The following ADGRF1 variants were observed in gnomAD, a reference collection of about 807,000 sequenced individuals.
ADGRF1 encodes the protein adhesion G protein-coupled receptor F1, also known as G protein-coupled receptor 110.
Under a neutral mutation model 87.2 loss-of-function variants are expected in ADGRF1, and 85 were observed. That is an observed-to-expected ratio of 0.97 (90% confidence interval 0.82 to 1.17). The LOEUF (loss-of-function observed/expected upper bound fraction) is 1.17, where lower values mean the gene tolerates loss of function less well. Ranked by LOEUF, ADGRF1 falls within the 50% of genes most tolerant of loss-of-function variation. The probability of loss-of-function intolerance (pLI) is 0.00; values close to 1 mark genes in which losing one functional copy is unlikely to be tolerated. For synonymous variants in ADGRF1, 430 were observed against 408.8 expected (o/e 1.05, Z -0.63); for missense variants, 1,169 against 1,077.2 (o/e 1.09, Z -1.19).
intron 3 of ADGRF1, among the ~76,000 whole-genome samples, chr6:47,027,143 T>C (rs1050510081): frequency 1.3e-5 from 2 of 152,242 alleles, no homozygotes; most frequent in African/African-American, 2.4e-5. Flanking sequence ...ATTTTTATTG[T>C]TATTTTTACT....
At position 47,009,496 on chromosome 6, in the gene ADGRF1, C is replaced by T. The variant is rs544506995; in HGVS notation, c.1939G>A (p.Val647Met). 4.2e-5 allele frequency: 68 copies of T among 1,614,004 alleles called. No homozygotes were observed. The highest frequency in any genetic ancestry group is 1.6e-4 in the Middle Eastern group (1 of 6,062). ...ADVWFIVGAT[V>M]DTTVNPSGVC... ...CCAGAAGGGTTCACCGTGGTGTCCA[C>T]TGTGGCACCAACAATAAACCAGACA... The change falls in exon 11 of 15, where the codon GTG becomes ATG. Residue 647 changes from valine to methionine, a missense_variant. Transcript: ENST00000371253.
intron 1 of ADGRF1, among the ~76,000 whole-genome samples, chr6:47,038,390 A>G (rs1028916018): frequency 6.6e-6 from 1 of 152,166 alleles, no homozygotes; most frequent in Non-Finnish European, 1.5e-5. Context: ...TATTTTTCCC[A>G]ATGAAACAGT....
At chr6:47,020,815 T>C in intron 6 of ADGRF1, 26 bp from the exon 7 acceptor site, 1 of 1,572,576 alleles carries the variant, frequency 6.4e-7, no homozygotes, top group Non-Finnish European at 8.8e-7. Flanking sequence ...AAGAACAATG[T>C]GTTAATTGTT....
rs1035752276 is a variant in ADGRF1, at chr6:47,029,116, G to C, written c.-43-12C>G. On this transcript the variant is annotated splice_polypyrimidine_tract_variant and intron_variant, in intron 1 of 14. Transcript: ENST00000371253. ...TGCATAGTCTGTGACTAAACAAGCAGGGTACCAGGTAAGGTAGAGGCACAA... is the reference window on the plus strand; with the variant it reads ...TGCATAGTCTGTGACTAAACAAGCACGGTACCAGGTAAGGTAGAGGCACAA... 2.6e-5 allele frequency: 37 copies of C among 1,431,370 alleles called. No homozygotes were observed. In the Middle Eastern group the frequency reaches 6.9e-4, roughly 27 times the overall value. 88.7% of individuals were successfully genotyped at this position (1,431,370 alleles called of 1,614,324 possible).
chr6:47,032,114 G>A (rs1561881530), intron 1 of ADGRF1, among the ~76,000 whole-genome samples: 1 of 152,108 alleles, frequency 6.6e-6, no homozygotes, highest in South Asian at 2.1e-4. Context: ...TTCTCCAGGG[G>A]AAAGCGGCTG....
Position 47,016,765 on chromosome 6 carries a change from A to T in ADGRF1, c.615T>A (p.Asn205Lys), listed in dbSNP as rs757681825. The change falls in exon 8 of 15, where the codon AAT (asparagine) becomes AAA (lysine). Residue 205 changes from asparagine (N) to lysine (K), a missense_variant. Coordinates refer to ENST00000371253, the MANE Select transcript of ADGRF1 (RefSeq NM_153840.4). ...FESVQVTQFR[N>K]GSIVAGYEVV... is the part of the protein sequence containing the mutation. ...CTTCATACCCAGCAACGATGCTTCC[A>T]TTTCTGCAGTGATTATGGGGAAAGA... The T allele has an allele frequency of 6.3e-6, 10 of 1,580,978 alleles. No individual in the cohort carries two copies. The African/African-American group carries it at 1.2e-4, about 19-fold the overall frequency.
At position 46,999,573 on chromosome 6, in the gene ADGRF1, G is replaced by T. The variant is rs953755992; in HGVS notation, c.*649C>A. On this transcript the variant is annotated 3_prime_UTR_variant, in exon 15 of 15. Coordinates refer to ENST00000371253, the MANE Select transcript of ADGRF1 (RefSeq NM_153840.4). The stretch of plus-strand genomic sequence containing the variant: ...GTTTAGGACCAGATGGAAGTGCCTT[G>T]TAAACTGAAAAATACCACATTATAT... The T allele has an allele frequency of 2.2e-4, 34 of 152,276 alleles. No homozygotes were observed. The highest frequency in any genetic ancestry group is 7.7e-4 in the African/African-American group (32 of 41,552). 9.4% of individuals were successfully genotyped at this position (152,276 alleles called of 1,614,324 possible).
At chr6:47,013,089 C>G in intron 9 of ADGRF1, 1 of 985,466 alleles carries the variant, frequency 1.0e-6, no homozygotes, top group Middle Eastern at 5.2e-4. Flanking sequence ...TGGAATTTTA[C>G]TTCTTTCTTG....
At chr6:47,018,084 G>C (rs1399169645) in intron 7 of ADGRF1, 11 of 212,176 alleles carry the variant, frequency 5.2e-5, no homozygotes, top group Non-Finnish European at 8.5e-5. Flanking sequence ...GAGAGTCAGA[G>C]GATTCCCAGT....
chr6:47,013,613 C>T lies in ADGRF1; in HGVS notation c.927+1068G>A, dbSNP rs928179952. 5.1e-6 allele frequency: 5 copies of T among 985,292 alleles called. No homozygotes were observed. In the African/African-American group the frequency reaches 5.2e-5, roughly 10 times the overall value. 61.0% of individuals were successfully genotyped at this position (985,292 alleles called of 1,614,324 possible). Reference sequence around the variant, plus strand: ...ATTTCCTTCTTTCTGTCTTACTTGTCTTAATACTTGAACCTTCCTAAGAGA... The same window carrying T: ...ATTTCCTTCTTTCTGTCTTACTTGTTTTAATACTTGAACCTTCCTAAGAGA... On this transcript the variant is annotated intron_variant, in intron 9 of 14. Transcript: ENST00000371253.
chr6:47,040,229 C>G (rs1284407674), intron 1 of ADGRF1, among the ~76,000 whole-genome samples: 2 of 152,098 alleles, frequency 1.3e-5, no homozygotes, highest in African/African-American at 4.8e-5. Flanking sequence ...CTTTGGGAGG[C>G]CGAGACAGGA....
intron 1 of ADGRF1, among the ~76,000 whole-genome samples, chr6:47,030,937 AT>A (rs1194587199): frequency 6.6e-6 from 1 of 151,740 alleles, no homozygotes. Flanking sequence ...TAATTTTTGT[AT>A]TTTTAGTCGA....
At chr6:47,008,429 G>A (rs149359612) in intron 11 of ADGRF1, among the ~76,000 whole-genome samples, 51 of 152,292 alleles carry the variant, frequency 3.3e-4, no homozygotes, top group African/African-American at 1.2e-3. Context: ...GGTTTCTTTT[G>A]CAACTACTCA....
At chr6:47,015,772 A>G (rs1274924157) in intron 8 of ADGRF1, among the ~76,000 whole-genome samples, 1 of 135,694 alleles carries the variant, frequency 7.4e-6, no homozygotes, top group Non-Finnish European at 1.6e-5. Flanking sequence ...TTTTTTTTGT[A>G]TTTTTAGTAG....
chr6:47,007,285 TA>T lies in ADGRF1; in HGVS notation c.2499del (p.Phe833LeufsTer24). On this transcript the variant is annotated frameshift_variant, in exon 12 of 15. Coordinates refer to ENST00000371253, the MANE Select transcript of ADGRF1 (RefSeq NM_153840.4). LOFTEE classifies it high-confidence loss of function. ...TCCAAGAGTATTCCAAAGCATAAGA[TA>T]AAAAATCCCTTTAAAAAGAAAGGAA... is the stretch of plus-strand genomic sequence containing the variant. ...FALLNAFQGFFILCFGILLDS... is the reference protein window; with the variant it reads ...FALLNAFQGFXILCFGILLDS... 1 of 1,538,082 alleles carries T rather than the reference TA, an allele frequency of 6.5e-7. No homozygotes were observed. Among genetic ancestry groups the T allele is most frequent in the African/African-American group, 1.4e-5 (1 of 73,298 alleles).
Position 47,010,191 on chromosome 6 carries a change from A to C in ADGRF1, c.1244T>G (p.Val415Gly), listed in dbSNP as rs551879855. The C allele has an allele frequency of 3.7e-6, 6 of 1,614,116 alleles. No homozygotes were observed. In the African/African-American group the frequency reaches 8.0e-5, roughly 22 times the overall value. ...LETLENISTL[V>G]PPTALPLNFS... is the part of the protein sequence containing the mutation. ...ATTCAGAGGAAGAGCTGTCGGAGGCACCAGAGTGCTGATGTTTTCTAATGT... is the reference window on the plus strand; with the variant it reads ...ATTCAGAGGAAGAGCTGTCGGAGGCCCCAGAGTGCTGATGTTTTCTAATGT... The change falls in exon 11 of 15, where the codon GTG (valine) becomes GGG (glycine). Residue 415 changes from valine to glycine, a missense_variant. Coordinates refer to ENST00000371253, the MANE Select transcript of ADGRF1 (RefSeq NM_153840.4).
At chr6:47,036,414 A>T (rs993680046) in intron 1 of ADGRF1, among the ~76,000 whole-genome samples, 1 of 152,184 alleles carries the variant, frequency 6.6e-6, no homozygotes, top group Non-Finnish European at 1.5e-5. Context: ...ATTACACAAG[A>T]AAAAACAAGC....
In ADGRF1 at chr6:47,001,554, T is replaced by A. The variant is rs1392495479; in HGVS notation, c.2606A>T (p.Asp869Val). 3.1e-6 allele frequency: 5 copies of A among 1,613,790 alleles called. No individual in the cohort carries two copies. In the South Asian group the frequency reaches 4.4e-5, roughly 14 times the overall value. The change falls in exon 14 of 15, where the codon GAT (aspartate) becomes GTT (valine). Residue 869 changes from aspartate to valine, a missense_variant. Transcript: ENST00000371253. ...TGAGAATTTGGGTTTGGCAGATAAA[T>A]CTGATGAGTTTTGCTGCACAAAATA... is the stretch of plus-strand genomic sequence containing the variant. ...WKQTEKQNSS[D>V]LSAKPKFSKP...
At chr6:47,019,380 T>C (rs1431938360) in intron 7 of ADGRF1, 52 of 985,318 alleles carry the variant, frequency 5.3e-5, no homozygotes, top group Middle Eastern at 5.2e-4. Context: ...TAGCAAATGC[T>C]GTTGAAAATT....
Sources: allele counts gnomAD v4.1 joint callset (sites outside exome capture counted in the v4.1 genomes callset), GRCh38; gene constraint gnomAD v4.1.1; transcripts MANE v1.5; gene names NCBI Gene and HGNC (gene_info 2026-07-23, HGNC 2026-07-21).